The following MECOM variants were observed in gnomAD, a reference collection of about 807,000 sequenced individuals.
MECOM encodes the protein MDS1 and EVI1 complex locus, also known as histone-lysine N-methyltransferase MECOM.
Under a neutral mutation model 116.3 loss-of-function variants are expected in MECOM, and 13 were observed. That is an observed-to-expected ratio of 0.11 (90% confidence interval 0.07 to 0.18). MECOM has a LOEUF of 0.18. Among genes scored for constraint, MECOM ranks in the 10% least tolerant of loss-of-function variants. The pLI, the probability that MECOM is intolerant of heterozygous loss-of-function variation, is 1.00. For missense variants in MECOM, 1,299 were observed against 1,509.0 expected (o/e 0.86, Z 2.31); for synonymous variants, 528 against 535.2 (o/e 0.99, Z 0.19).
At chr3:169,418,328 G>A (rs1412761254) in intron 1 of MECOM, among the ~76,000 whole-genome samples, 7 of 151,984 alleles carry the variant, frequency 4.6e-5, no homozygotes, top group African/African-American at 1.2e-4. Flanking sequence ...GTACAAAAAG[G>A]AGCTGGTACG....
intron 2 of MECOM, among the ~76,000 whole-genome samples, chr3:169,262,844 G>A (rs1757726032): frequency 6.6e-6 from 1 of 151,626 alleles, no homozygotes; most frequent in Non-Finnish European, 1.5e-5. Context: ...TTGCCACAGA[G>A]GCACATCTTT....
At chr3:169,482,683 T>G (rs1751508214) in intron 1 of MECOM, among the ~76,000 whole-genome samples, 1 of 152,196 alleles carries the variant, frequency 6.6e-6, no homozygotes, top group African/African-American at 2.4e-5. Flanking sequence ...CAGTGCTCAT[T>G]GTCTCCTTGG....
In MECOM at chr3:169,111,693, G is replaced by A. The variant is rs372301099; in HGVS notation, c.2577+1094C>T. Among the ~76,000 whole-genome samples the A allele has an allele frequency of 2.0e-5, 3 of 152,138 alleles. No homozygotes were observed. The South Asian group carries it at 6.2e-4, about 31-fold the overall frequency. ...TATCTCATTTTGAAAGGGAGTGAGA[G>A]TTCTTTAGTAATAGTAGATTTATCC... On this transcript the variant is annotated intron_variant, in intron 9 of 16. Coordinates refer to ENST00000651503, the MANE Select transcript of MECOM (RefSeq NM_004991.4).
chr3:169,470,578 G>A (rs1352502553), intron 1 of MECOM, among the ~76,000 whole-genome samples: 1 of 152,156 alleles, frequency 6.6e-6, no homozygotes, highest in African/African-American at 2.4e-5. Context: ...ATGAGGGGGA[G>A]GGGACAGGCA....
At chr3:169,339,704 T>G (rs1450548555) in intron 2 of MECOM, among the ~76,000 whole-genome samples, 4 of 152,014 alleles carry the variant, frequency 2.6e-5, no homozygotes, top group Admixed American at 6.6e-5. Flanking sequence ...TTTTCAGTAA[T>G]AGAAGATGAG....
chr3:169,592,377 C>A (rs1766531628), intron 1 of MECOM, among the ~76,000 whole-genome samples: 1 of 152,216 alleles, frequency 6.6e-6, no homozygotes, highest in Non-Finnish European at 1.5e-5. Flanking sequence ...CTGCAGCCTA[C>A]TTGGCCAACA....
intron 2 of MECOM, among the ~76,000 whole-genome samples, chr3:169,368,078 T>G (rs1729484168): frequency 6.6e-6 from 1 of 152,096 alleles, no homozygotes; most frequent in Admixed American, 6.6e-5. Context: ...GGTGTCTATT[T>G]GCACACGTCT....
chr3:169,380,779 A>G (rs2108274473), intron 2 of MECOM, among the ~76,000 whole-genome samples: 1 of 152,306 alleles, frequency 6.6e-6, no homozygotes. Context: ...CACAAAATAG[A>G]GAAAACAAAT....
chr3:169,192,137 T>C (rs1319681232), intron 2 of MECOM, among the ~76,000 whole-genome samples: 1 of 152,062 alleles, frequency 6.6e-6, no homozygotes, highest in Non-Finnish European at 1.5e-5. Flanking sequence ...TTATTATAAG[T>C]CTGGAATGAA....
chr3:169,637,343 A>G (rs1772924480), intron 1 of MECOM, among the ~76,000 whole-genome samples: 10 of 152,208 alleles, frequency 6.6e-5, no homozygotes, highest in Admixed American at 6.5e-4. Flanking sequence ...ACAAAAAGTA[A>G]TAATAAACTG....
At chr3:169,390,979 TAAATGTAAGTTC>T (rs1297703365) in intron 1 of MECOM, among the ~76,000 whole-genome samples, 2 of 152,182 alleles carry the variant, frequency 1.3e-5, no homozygotes, top group African/African-American at 4.8e-5. Context: ...ATAAACAGCG[TAAATGTAAGTTC>T]AAATTCATTT....
chr3:169,354,658 T>G lies in MECOM; in HGVS notation c.375+26529A>C, dbSNP rs138269161. On this transcript the variant is annotated intron_variant, in intron 2 of 16. Coordinates refer to ENST00000651503, the MANE Select transcript of MECOM (RefSeq NM_004991.4). ...AAAAGAATTCGTGTTTTATGGCTAA[T>G]CATAGAACGCTGAGGACAGGTAAAA... Among the ~76,000 whole-genome samples the G allele has an allele frequency of 2.0e-5, 3 of 152,070 alleles. No homozygotes were observed. In the East Asian group the frequency reaches 5.8e-4, roughly 30 times the overall value.
In MECOM at chr3:169,550,459, C is replaced by A. The variant is rs548773603; in HGVS notation, c.37+112877G>T. 3.3e-5 allele frequency among the ~76,000 whole-genome samples: 5 copies of A among 152,328 alleles called. No individual in the cohort carries two copies. In the East Asian group the frequency reaches 9.6e-4, roughly 29 times the overall value. On this transcript the variant is annotated intron_variant, in intron 1 of 16. Coordinates refer to ENST00000651503, the MANE Select transcript of MECOM (RefSeq NM_004991.4). ...AAGTGAAAACAGTGGTTGAAAGTTA[C>A]CAGCAGAGCATGAATATGAGAGCTT...
intron 1 of MECOM, among the ~76,000 whole-genome samples, chr3:169,520,838 G>A (rs985916711): frequency 6.6e-6 from 1 of 152,140 alleles, no homozygotes; most frequent in Admixed American, 6.6e-5. Context: ...CAGATGTGTA[G>A]CAAAACAAGC....
chr3:169,505,132 T>C (rs1210551830), intron 1 of MECOM, among the ~76,000 whole-genome samples: 1 of 152,154 alleles, frequency 6.6e-6, no homozygotes, highest in Non-Finnish European at 1.5e-5. Context: ...TTCCTCTATT[T>C]ATAATCTCAG....
rs572614527 is a variant in MECOM, at chr3:169,379,440, A to G, written c.375+1747T>C. On this transcript the variant is annotated intron_variant, in intron 2 of 16. Coordinates refer to ENST00000651503, the MANE Select transcript of MECOM (RefSeq NM_004991.4). ...ATAAAGGTGTCTTGAATTCCAAGCA[A>G]TAAAAACAACTCAGTTTTGACATAA... is the stretch of plus-strand genomic sequence containing the variant. Among the ~76,000 whole-genome samples the G allele has an allele frequency of 1.3e-3, 198 of 152,282 alleles. 1 individual carries two copies. The highest frequency in any genetic ancestry group is 5.2e-4 in the Admixed American group (8 of 15,284).
chr3:169,292,142 A>G (rs1188453752), intron 2 of MECOM, among the ~76,000 whole-genome samples: 1 of 152,060 alleles, frequency 6.6e-6, no homozygotes, highest in African/African-American at 2.4e-5. Context: ...CAGGAGTTTG[A>G]GAGCAGCCTG....
intron 2 of MECOM, among the ~76,000 whole-genome samples, chr3:169,307,951 T>C (rs1385415969): frequency 6.6e-6 from 1 of 152,210 alleles, no homozygotes; most frequent in East Asian, 1.9e-4. Context: ...CTCGCTTTCT[T>C]TGGTCTCATG....
chr3:169,146,979 T>G (rs1292210895), intron 2 of MECOM: 1 of 996,984 alleles, frequency 1.0e-6, no homozygotes, highest in Non-Finnish European at 1.2e-6. Context: ...TCGGATTTAT[T>G]GTCCGCCAAC....
Sources: gnomAD v4.1 joint callset for allele counts (sites outside exome capture counted in the v4.1 genomes callset) on GRCh38, gnomAD v4.1.1 for gene constraint, MANE v1.5 for transcripts, NCBI Gene and HGNC (gene_info 2026-07-23, HGNC 2026-07-21) for gene names.